Variants in AP3D1 observed in about 807,000 individuals in gnomAD.
The protein encoded by AP3D1 is AP-3 complex subunit delta-1.
A neutral mutation model predicts 147.6 loss-of-function variants in AP3D1; 51 were observed. The observed-to-expected ratio is 0.35, with a 90% CI of 0.28 to 0.44. The LOEUF (loss-of-function observed/expected upper bound fraction) is 0.44. AP3D1 is among the 20% of genes least tolerant of loss of function. AP3D1 has a pLI of 1.00. For synonymous variants in AP3D1, 760 were observed against 663.0 expected, an observed-to-expected ratio of 1.15 and a Z score of -2.25; for missense variants, 1,421 against 1,624.2, an observed-to-expected ratio of 0.87 and a Z score of 2.15.
intron 1 of AP3D1, among the ~76,000 whole-genome samples, chr19:2,147,472 C>T (rs1376656932): frequency 1.4e-5 from 2 of 142,110 alleles, no homozygotes; most frequent in Non-Finnish European, 3.0e-5. Context: ...GGGAGAACTG[C>T]TTGAACCCAG....
Position 2,143,263 on chromosome 19 carries a change from CAG to C in AP3D1, c.97-4551_97-4550del, listed in dbSNP as rs2019269709. Among the ~76,000 whole-genome samples the C allele has an allele frequency of 8.4e-5, 8 of 95,258 alleles. No individual in the cohort carries two copies. The Admixed American group carries it at 1.2e-3, about 14-fold the overall frequency. 62.5% of individuals were successfully genotyped at this position (95,258 alleles called of 152,430 possible). A position where few individuals can be genotyped will look rare whatever the true frequency, so the allele number is the denominator to read the frequency against. On this transcript the variant is annotated intron_variant, in intron 1 of 31. Coordinates refer to ENST00000643116, the MANE Select transcript of AP3D1 (RefSeq NM_001261826.3). ...TTTTTTTTTTTTTTTTTTTTTGAGACAGAGTCCTGCTCTGTCGCCCAGGCTGG... is the reference window on the plus strand; with the variant it reads ...TTTTTTTTTTTTTTTTTTTTTGAGACAGTCCTGCTCTGTCGCCCAGGCTGG...
chr19:2,130,657 A>G (rs1341630793), intron 5 of AP3D1, 120 bp from the exon 6 acceptor site: 12 of 1,461,088 alleles, frequency 8.2e-6, no homozygotes, highest in Non-Finnish European at 1.1e-5. Flanking sequence ...GTGGCTGCAC[A>G]CCAGTCCCAG....
chr19:2,110,625 G>A (rs1477224853), intron 27 of AP3D1, 82 bp downstream of exon 27: 1 of 1,395,432 alleles, frequency 7.2e-7, no homozygotes, highest in African/African-American at 1.4e-5. Flanking sequence ...GAAGCAACAA[G>A]AACCAGCGGA....
intron 23 of AP3D1, 36 bp from the exon 24 acceptor site, chr19:2,113,003 A>G (rs2018330183): frequency 6.5e-7 from 1 of 1,546,354 alleles, no homozygotes; most frequent in Non-Finnish European, 8.8e-7. Flanking sequence ...CATGCTGGGC[A>G]ATGAGGGGCC....
At position 2,130,148 on chromosome 19, in the gene AP3D1, G is replaced by A. The variant is rs117402071; in HGVS notation, c.592+260C>T. 6.6e-5 allele frequency among the ~76,000 whole-genome samples: 10 copies of A among 152,338 alleles called. No individual in the cohort carries two copies. In the East Asian group the frequency reaches 1.9e-3, roughly 29 times the overall value. On this transcript the variant is annotated intron_variant, in intron 6 of 31. Transcript: ENST00000643116. ...GGTGGCACTGGTCCTAAGAGGGGCT[G>A]GCGGGGGTGGGTACACCTCTGCTCA...
At chr19:2,116,577 G>A (rs1474374705) in intron 17 of AP3D1, 28 bp downstream of exon 17, 9 of 1,553,490 alleles carry the variant, frequency 5.8e-6, no homozygotes, top group Non-Finnish European at 7.8e-6. Flanking sequence ...AGGAGACGAG[G>A]GCTCGCCAGG....
Position 2,102,013 on chromosome 19 carries a change from G to A in AP3D1, c.*160C>T, listed in dbSNP as rs927842859. On this transcript the variant is annotated 3_prime_UTR_variant, in exon 32 of 32. Coordinates refer to ENST00000643116, the MANE Select transcript of AP3D1 (RefSeq NM_001261826.3). Reference sequence around the variant, plus strand: ...AAAAAGGATGGTCAGATAATTCAACGCAACAAATGACCTCGGATGTCTACA... The same window carrying A: ...AAAAAGGATGGTCAGATAATTCAACACAACAAATGACCTCGGATGTCTACA... The A allele has an allele frequency of 2.3e-5, 14 of 617,770 alleles. No individual in the cohort carries two copies. The highest frequency in any genetic ancestry group is 2.0e-4 in the Admixed American group (7 of 35,394). The allele number at this position is 617,770 out of a possible 1,614,324, so 38.3% of individuals were successfully genotyped here.
intron 11 of AP3D1, among the ~76,000 whole-genome samples, chr19:2,122,339 A>G (rs1021677538): frequency 6.6e-6 from 1 of 152,204 alleles, no homozygotes; most frequent in Non-Finnish European, 1.5e-5. Context: ...AGATGCCACA[A>G]CCTAAGCCAG....
chr19:2,142,399 C>A (rs1187342499), intron 1 of AP3D1, among the ~76,000 whole-genome samples: 2 of 151,860 alleles, frequency 1.3e-5, no homozygotes, highest in African/African-American at 2.4e-5. Flanking sequence ...ATCCTCCCAC[C>A]TTGGCCTCCC....
chr19:2,146,512 G>A (rs369330991), intron 1 of AP3D1, among the ~76,000 whole-genome samples: 2 of 151,016 alleles, frequency 1.3e-5, no homozygotes, highest in Admixed American at 1.3e-4. Flanking sequence ...GCTGAGGCAG[G>A]AGAATCACTT....
chr19:2,138,160 C>T (rs1234378435), intron 2 of AP3D1, among the ~76,000 whole-genome samples: 1 of 152,182 alleles, frequency 6.6e-6, no homozygotes, highest in Non-Finnish European at 1.5e-5. Flanking sequence ...CCTGGACGAG[C>T]CCTTTGTCTC....
At chr19:2,144,600 G>A (rs1326567627) in intron 1 of AP3D1, among the ~76,000 whole-genome samples, 4 of 152,172 alleles carry the variant, frequency 2.6e-5, no homozygotes, top group Admixed American at 6.5e-5. Flanking sequence ...GGGTGGCACG[G>A]TCACCATTAA....
Position 2,109,920 on chromosome 19 carries a change from C to A in AP3D1, c.3303G>T (p.Arg1101Ser). The change falls in exon 29 of 32, where the codon AGG becomes AGT. Residue 1101 changes from arginine (R) to serine (S), a missense_variant. This residue lies in a region of AP3D1 where 791 missense variants were observed against 761.4 expected (regional missense o/e 1.04). Transcript: ENST00000643116. ...EGATHEKLDF[R>S]LHFSCSSYLI... ...AGTAGGAGCTGCAGCTGAAGTGCAG[C>A]CTGAAGTCCAGCTTCTCGTGGGTCG... is the stretch of plus-strand genomic sequence containing the variant. 6 of 1,613,750 alleles carry A rather than the reference C, an allele frequency of 3.7e-6. No individual in the cohort carries two copies. The highest frequency in any genetic ancestry group is 1.7e-5 in the Admixed American group (1 of 60,022).
chr19:2,151,194 G>T, intron 1 of AP3D1, 45 bp downstream of exon 1: 1 of 1,571,522 alleles, frequency 6.4e-7, no homozygotes, highest in African/African-American at 1.4e-5. Context: ...GCCCTGGGCC[G>T]GGGCTGTGAC....
intron 1 of AP3D1, among the ~76,000 whole-genome samples, chr19:2,161,084 G>T (rs1388491709): frequency 1.3e-5 from 2 of 151,718 alleles, no homozygotes; most frequent in Non-Finnish European, 2.9e-5. Flanking sequence ...TAGGGAGAGA[G>T]AGGAGGTGAG....
rs774561938 is a variant in AP3D1 at position 2,121,198 on chromosome 19, G to A, written c.1215C>T (p.Ser405=). 10 of 1,614,100 alleles carry A rather than the reference G, an allele frequency of 6.2e-6. No individual in the cohort carries two copies. The highest frequency in any genetic ancestry group is 1.1e-5 in the South Asian group (1 of 91,088). ...TGGTGATGTACTGGTAGTTGGACTG[G>A]CTGCAGATGTCAATGATCTTGGTGA... ...ELLTKIIDIC[S]QSNYQYITNF... Residue 405 remains serine, a synonymous_variant, in exon 13 of 32, where the codon AGC becomes AGT. Coordinates refer to ENST00000643116, the MANE Select transcript of AP3D1 (RefSeq NM_001261826.3).
intron 4 of AP3D1, among the ~76,000 whole-genome samples, chr19:2,134,280 G>T (rs961677347): frequency 6.6e-6 from 1 of 151,894 alleles, no homozygotes; most frequent in Non-Finnish European, 1.5e-5. Flanking sequence ...AATCAGCCAG[G>T]TGTGGTGGTG....
In AP3D1 at chr19:2,111,839, A is replaced by G. The variant is rs771037677; in HGVS notation, c.2788-11T>C. 3.1e-6 allele frequency: 5 copies of G among 1,613,382 alleles called. No individual in the cohort carries two copies. In the South Asian group the frequency reaches 4.4e-5, roughly 14 times the overall value. On this transcript the variant is annotated splice_polypyrimidine_tract_variant and intron_variant, in intron 24 of 31. Transcript: ENST00000643116. ...AGGCTTGGGAGATTTCTGGAGCAAG[A>G]GGAGGGTCGGGTTCAGTGCCCAGGC...
intron 31 of AP3D1, among the ~76,000 whole-genome samples, chr19:2,104,874 C>T (rs569298020): frequency 7.9e-5 from 12 of 151,968 alleles, no homozygotes; most frequent in African/African-American, 2.9e-4. Flanking sequence ...TGGGGTCTTG[C>T]CATGTTCCCA....
Sources: gnomAD v4.1 joint callset for allele counts (sites outside exome capture counted in the v4.1 genomes callset) on GRCh38, gnomAD v4.1.1 for gene constraint, gnomAD v4.1.1 regional missense constraint, MANE v1.5 for transcripts, NCBI Gene and HGNC (gene_info 2026-07-23, HGNC 2026-07-21) for gene names.